The following AKAP13 variants were observed in gnomAD, a reference collection of about 807,000 sequenced individuals.
AKAP13 encodes A-kinase anchor protein 13.
A neutral mutation model predicts 264.5 loss-of-function variants in AKAP13; 80 were observed. The ratio of observed to expected loss-of-function variants is 0.30; its 90% confidence interval spans 0.25 to 0.36. AKAP13 has a LOEUF of 0.36. AKAP13 is among the 10% of genes least tolerant of loss of function. The pLI is 1.00. For synonymous variants in AKAP13, 1,380 were observed against 1,250.2 expected (o/e 1.10, Z -2.19); for missense variants, 3,712 against 3,435.2 (o/e 1.08, Z -2.01).
chr15:85,688,316 A>G (rs1170655606), intron 16 of AKAP13, among the ~76,000 whole-genome samples: 2 of 152,220 alleles, frequency 1.3e-5, no homozygotes, highest in Non-Finnish European at 2.9e-5. Context: ...TTTTTCTGTG[A>G]AAATGATAAA....
intron 29 of AKAP13, among the ~76,000 whole-genome samples, chr15:85,729,590 A>G (rs1321327634): frequency 6.6e-6 from 1 of 152,134 alleles, no homozygotes; most frequent in Non-Finnish European, 1.5e-5. Context: ...ATAGAAGGTC[A>G]TTGAAGCCAT....
intron 2 of AKAP13, among the ~76,000 whole-genome samples, chr15:85,492,834 C>T (rs566217504): frequency 6.6e-6 from 1 of 152,262 alleles, no homozygotes; most frequent in Admixed American, 6.5e-5. Context: ...CTTGGAGTAT[C>T]ACATTAGGAG....
chr15:85,537,270 C>G (rs1350380288), intron 4 of AKAP13, among the ~76,000 whole-genome samples: 1 of 152,008 alleles, frequency 6.6e-6, no homozygotes, highest in Non-Finnish European at 1.5e-5. Flanking sequence ...CACATAAATA[C>G]TTTTAAATAG....
chr15:85,559,902 C>T (rs1213469914), intron 5 of AKAP13, among the ~76,000 whole-genome samples: 1 of 151,970 alleles, frequency 6.6e-6, no homozygotes, highest in African/African-American at 2.4e-5. Flanking sequence ...CACTTAGATG[C>T]TCTAAGTCAT....
chr15:85,620,283 CTG>C (rs1413463674), intron 8 of AKAP13: 1 of 1,006,540 alleles, frequency 9.9e-7, no homozygotes, highest in African/African-American at 1.6e-5. Context: ...GCCGAGAAAT[CTG>C]TGCACAGTGG....
At chr15:85,740,881 G>A (rs1174970077) in intron 34 of AKAP13, among the ~76,000 whole-genome samples, 165 bp from the exon 35 acceptor site, 2 of 149,414 alleles carry the variant, frequency 1.3e-5, no homozygotes, top group Non-Finnish European at 2.9e-5. Context: ...ATGATAAACA[G>A]CTGCAATTAT....
intron 10 of AKAP13, among the ~76,000 whole-genome samples, chr15:85,649,615 G>C (rs115115353): frequency 1.3e-5 from 2 of 152,268 alleles, no homozygotes; most frequent in South Asian, 2.1e-4. Context: ...TTAACAGCCC[G>C]TAACGTTTGT....
intron 1 of AKAP13, among the ~76,000 whole-genome samples, chr15:85,395,181 GAGA>G (rs1315985073): frequency 1.3e-5 from 2 of 152,242 alleles, no homozygotes; most frequent in East Asian, 3.9e-4. Context: ...TCTCAGAAAG[GAGA>G]AGAATTCTGA....
intron 1 of AKAP13, among the ~76,000 whole-genome samples, chr15:85,422,072 C>G (rs971958432): frequency 2.0e-5 from 3 of 152,216 alleles, no homozygotes; most frequent in Non-Finnish European, 4.4e-5. Context: ...TGGGCTCTAT[C>G]ATGATCTCTC....
At chr15:85,496,400 AAC>A (rs2075874927) in intron 2 of AKAP13, among the ~76,000 whole-genome samples, 1 of 152,174 alleles carries the variant, frequency 6.6e-6, no homozygotes, top group South Asian at 2.1e-4. Flanking sequence ...TGCTAATTAA[AAC>A]AGACCTCAGA....
chr15:85,478,708 A>G (rs2075259698), intron 1 of AKAP13, among the ~76,000 whole-genome samples: 1 of 149,618 alleles, frequency 6.7e-6, no homozygotes, highest in Admixed American at 6.7e-5. Context: ...TCCCACTCCC[A>G]ACCCCTCGCC....
At chr15:85,632,092 G>A (rs1369003989) in intron 8 of AKAP13, among the ~76,000 whole-genome samples, 1 of 152,120 alleles carries the variant, frequency 6.6e-6, no homozygotes, top group East Asian at 1.9e-4. Context: ...GTGGTGGATC[G>A]GAAATTGTTC....
intron 2 of AKAP13, among the ~76,000 whole-genome samples, chr15:85,507,397 A>C (rs1819805603): frequency 6.6e-6 from 1 of 151,876 alleles, no homozygotes; most frequent in East Asian, 1.9e-4. Context: ...AAAAAAAAAA[A>C]CATAAGAAAC....
chr15:85,688,840 ACAGGAAGTATAG>A (rs1307141970), intron 16 of AKAP13, among the ~76,000 whole-genome samples: 2 of 152,242 alleles, frequency 1.3e-5, no homozygotes, highest in African/African-American at 2.4e-5. Flanking sequence ...GGGATGCTAA[ACAGGAAGTATAG>A]CAGGAAGACT....
At chr15:85,479,795 C>A (rs1366650681) in intron 1 of AKAP13, among the ~76,000 whole-genome samples, 2 of 152,078 alleles carry the variant, frequency 1.3e-5, no homozygotes, top group African/African-American at 4.8e-5. Context: ...AATGGTGGAG[C>A]GCTTGTTAAA....
At chr15:85,723,882 G>A (rs2087448461) in intron 26 of AKAP13, among the ~76,000 whole-genome samples, 1 of 152,124 alleles carries the variant, frequency 6.6e-6, no homozygotes, top group African/African-American at 2.4e-5. Context: ...AAATCATAAA[G>A]GATGCCCATT....
chr15:85,407,662 T>A (rs2071740709), intron 1 of AKAP13, among the ~76,000 whole-genome samples: 1 of 151,726 alleles, frequency 6.6e-6, no homozygotes, highest in South Asian at 2.1e-4. Context: ...GAGCTTGGTG[T>A]GTTTGAACTC....
intron 1 of AKAP13, among the ~76,000 whole-genome samples, chr15:85,422,121 A>G (rs1410457164): frequency 2.0e-5 from 3 of 152,200 alleles, no homozygotes; most frequent in East Asian, 1.9e-4. Context: ...AATAATTACC[A>G]TGTACCAACT....
intron 8 of AKAP13, among the ~76,000 whole-genome samples, chr15:85,597,517 T>C (rs2079871796): frequency 1.3e-5 from 2 of 152,220 alleles, no homozygotes; most frequent in South Asian, 4.1e-4. Context: ...TTACTCCCCA[T>C]ACATTAAGAA....
Sources: gnomAD v4.1 joint callset for allele counts (sites outside exome capture counted in the v4.1 genomes callset) on GRCh38, gnomAD v4.1.1 for gene constraint, MANE v1.5 for transcripts, NCBI Gene and HGNC (gene_info 2026-07-23, HGNC 2026-07-21) for gene names.